SVIL: variants seen among roughly 807,000 people sequenced by gnomAD.
SVIL encodes archvillin.
SVIL carries 101 observed loss-of-function variants against 240.4 expected under a neutral mutation model. The observed-to-expected ratio is 0.42, with a 90% CI of 0.36 to 0.50. SVIL has a LOEUF of 0.50. SVIL is among the 20% of genes least tolerant of loss of function. The pLI is 0.01. For missense variants in SVIL, 2,512 were observed against 2,818.7 expected (o/e 0.89, Z 2.46); for synonymous variants, 999 against 1,100.0 (o/e 0.91, Z 1.82).
chr10:29,587,056 T>A (rs1956198067), intron 1 of SVIL, among the ~76,000 whole-genome samples: 1 of 152,118 alleles, frequency 6.6e-6, no homozygotes, highest in East Asian at 1.9e-4. Context: ...TAAAAACAAA[T>A]TTTCCCGATA....
chr10:29,467,968 A>G, intron 32 of SVIL, 93 bp from the exon 33 acceptor site: 1 of 1,327,740 alleles, frequency 7.5e-7, no homozygotes, highest in Non-Finnish European at 1.0e-6. Flanking sequence ...GCTTTATAAT[A>G]GCTTTATTGA....
At chr10:29,650,122 T>C (rs1307337639) in intron 3 of SVIL, among the ~76,000 whole-genome samples, 4 of 152,344 alleles carry the variant, frequency 2.6e-5, no homozygotes, top group East Asian at 1.9e-4. Context: ...TATTCTGTTA[T>C]GGCAGCACGA....
intron 28 of SVIL, 48 bp from the exon 29 acceptor site, chr10:29,480,861 T>A: frequency 6.4e-7 from 1 of 1,568,014 alleles, no homozygotes; most frequent in Admixed American, 1.7e-5. Context: ...TTTCTGCAGC[T>A]ATTCCTTGTC....
At chr10:29,609,117 A>G (rs1334422085) in intron 1 of SVIL, among the ~76,000 whole-genome samples, 2 of 152,186 alleles carry the variant, frequency 1.3e-5, no homozygotes, top group Non-Finnish European at 2.9e-5. Flanking sequence ...CTGTCACTCA[A>G]TAAAGCTCCT....
At chr10:29,661,499 G>A (rs1261670882) in intron 2 of SVIL, among the ~76,000 whole-genome samples, 2 of 152,186 alleles carry the variant, frequency 1.3e-5, no homozygotes, top group Non-Finnish European at 2.9e-5. Flanking sequence ...GGAGATGCTA[G>A]CTAAGCTGGA....
At chr10:29,625,487 G>T (rs979042442) in intron 1 of SVIL, among the ~76,000 whole-genome samples, 1 of 151,574 alleles carries the variant, frequency 6.6e-6, no homozygotes, top group Non-Finnish European at 1.5e-5. Context: ...TTTTTGAGAC[G>T]GAGTCTCACT....
intron 16 of SVIL, among the ~76,000 whole-genome samples, chr10:29,516,515 C>G (rs928920002): frequency 2.0e-5 from 3 of 152,236 alleles, no homozygotes; most frequent in African/African-American, 7.2e-5. Context: ...CTCCGGCTCA[C>G]CGCAGACCAC....
rs1945429033 is a variant in SVIL at position 29,470,417 on chromosome 10, C to G, written c.5702G>C (p.Cys1901Ser). The G allele has an allele frequency of 6.2e-7, 1 of 1,614,228 alleles. No homozygotes were observed. The highest frequency in any genetic ancestry group is 1.3e-5 in the African/African-American group (1 of 75,062). Residue 1901 changes from cysteine to serine, a missense_variant, in exon 32 of 38, where the codon TGT becomes TCT. Coordinates refer to ENST00000355867, the MANE Select transcript of SVIL (RefSeq NM_021738.3). ...PVEGNLLEVACHCSSLRSRTS... is the reference protein window; with the variant it reads ...PVEGNLLEVASHCSSLRSRTS... Reference sequence around the variant, plus strand: ...TCTGGACCTCAGGCTGCTACAGTGACAGGCCACTTCCAGCAAATTCCCTTC... The same window carrying G: ...TCTGGACCTCAGGCTGCTACAGTGAGAGGCCACTTCCAGCAAATTCCCTTC...
At chr10:29,723,905 A>C (rs1964131403) in intron 1 of SVIL, among the ~76,000 whole-genome samples, 1 of 152,198 alleles carries the variant, frequency 6.6e-6, no homozygotes, top group African/African-American at 2.4e-5. Context: ...TTTGGAGGAG[A>C]AAAAGGGTTG....
At chr10:29,590,011 C>G (rs1193842843) in intron 1 of SVIL, among the ~76,000 whole-genome samples, 11 of 151,330 alleles carry the variant, frequency 7.3e-5, no homozygotes, top group South Asian at 4.2e-4. Flanking sequence ...ACTAAAAATG[C>G]AAAAAATTAG....
chr10:29,602,399 T>C (rs1420772575), intron 1 of SVIL: 2 of 446,850 alleles, frequency 4.5e-6, no homozygotes, highest in South Asian at 1.6e-5. Flanking sequence ...TTCTCTGCTG[T>C]GGGACAACCT....
At chr10:29,512,988 T>G in intron 16 of SVIL, 127 bp from the exon 17 acceptor site, 22 of 1,335,918 alleles carry the variant, frequency 1.6e-5, no homozygotes, top group Non-Finnish European at 2.2e-5. Flanking sequence ...TTTAACATTT[T>G]GAATTTCATT....
chr10:29,649,667 C>T (rs1049688470), intron 3 of SVIL, among the ~76,000 whole-genome samples: 12 of 152,142 alleles, frequency 7.9e-5, no homozygotes, highest in East Asian at 1.9e-4. Context: ...AGTGCATGGG[C>T]GTACACACAC....
intron 16 of SVIL, among the ~76,000 whole-genome samples, chr10:29,513,092 C>A (rs1949966434): frequency 1.3e-5 from 2 of 152,224 alleles, no homozygotes; most frequent in Non-Finnish European, 2.9e-5. Flanking sequence ...GAGCTGAAAT[C>A]TGACTTGCTA....
intron 21 of SVIL, among the ~76,000 whole-genome samples, chr10:29,491,589 A>C (rs921086193): frequency 6.6e-6 from 1 of 152,188 alleles, no homozygotes; most frequent in African/African-American, 2.4e-5. Context: ...TATTGAAATA[A>C]AATAGGCCCG....
chr10:29,583,089 T>C (rs1315831840), intron 1 of SVIL, among the ~76,000 whole-genome samples: 1 of 152,162 alleles, frequency 6.6e-6, no homozygotes, highest in Non-Finnish European at 1.5e-5. Context: ...AAAATGTCTG[T>C]TGGTACCAGA....
At position 29,470,390 on chromosome 10, in the gene SVIL, G is replaced by C; in HGVS notation, c.5729C>G (p.Thr1910Ser). The C allele has an allele frequency of 6.2e-7, 1 of 1,614,226 alleles. No individual in the cohort carries two copies. The highest frequency in any genetic ancestry group is 8.5e-7 in the Non-Finnish European group (1 of 1,180,050). The stretch of plus-strand genomic sequence containing the variant: ...GTTGACGTTAAGCACCACCATGGAA[G>C]TTCTGGACCTCAGGCTGCTACAGTG... Reference protein sequence around the residue: ...ACHCSSLRSRTSMVVLNVNKA... With the variant: ...ACHCSSLRSRSSMVVLNVNKA... Residue 1910 changes from threonine to serine, a missense_variant, in exon 32 of 38, where the codon ACT (threonine) becomes AGT (serine). Physicochemically the swap from Thr to Ser is moderately conservative, Grantham distance 58 (BLOSUM62 1). Around this residue, in one of 3 missense-constraint regions of SVIL, gnomAD observed 797 missense variants for 925.3 expected, o/e 0.86. Coordinates refer to ENST00000355867, the MANE Select transcript of SVIL (RefSeq NM_021738.3).
chr10:29,594,173 T>A (rs1956493457), intron 1 of SVIL, among the ~76,000 whole-genome samples: 2 of 152,176 alleles, frequency 1.3e-5, no homozygotes, highest in Admixed American at 1.3e-4. Context: ...GCCATGTATA[T>A]AAGGTATACA....
chr10:29,533,617 T>C (rs939137353), intron 7 of SVIL, among the ~76,000 whole-genome samples, 159 bp from the exon 8 acceptor site: 1 of 152,232 alleles, frequency 6.6e-6, no homozygotes, highest in Non-Finnish European at 1.5e-5. Context: ...ACTTGTCAGA[T>C]GATCCTGAGT....
Sources: gnomAD v4.1 joint callset for allele counts (sites outside exome capture counted in the v4.1 genomes callset) on GRCh38, gnomAD v4.1.1 for gene constraint, gnomAD v4.1.1 regional missense constraint, MANE v1.5 for transcripts, NCBI Gene and HGNC (gene_info 2026-07-23, HGNC 2026-07-21) for gene names.